The following CYREN variants were observed in gnomAD, a reference collection of about 807,000 sequenced individuals.
The protein encoded by CYREN is cell cycle regulator of NHEJ, also known as cell cycle regulator of non-homologous end joining.
Under a neutral mutation model 9.7 loss-of-function variants are expected in CYREN, and 7 were observed. That is an observed-to-expected ratio of 0.72 (90% CI 0.41 to 1.36). The LOEUF (loss-of-function observed/expected upper bound fraction) is 1.36. CYREN is among the 40% of genes most tolerant of loss of function. The pLI is 0.01. For synonymous variants in CYREN, 76 were observed against 77.9 expected, an observed-to-expected ratio of 0.98 and a Z score of 0.13; for missense variants, 215 against 198.1, an observed-to-expected ratio of 1.09 and a Z score of -0.51.
At chr7:135,125,294 G>A (rs1260878204) in intron 2 of CYREN, among the ~76,000 whole-genome samples, 1 of 152,098 alleles carries the variant, frequency 6.6e-6, no homozygotes, top group Non-Finnish European at 1.5e-5. Context: ...AGAAAATCTA[G>A]AAGAAATGGA....
At chr7:135,131,992 T>G (rs541090248) in intron 2 of CYREN, among the ~76,000 whole-genome samples, 1 of 152,178 alleles carries the variant, frequency 6.6e-6, no homozygotes, top group African/African-American at 2.4e-5. Context: ...AAATAGAATA[T>G]TTGAATACCC....
intron 2 of CYREN, among the ~76,000 whole-genome samples, chr7:135,129,838 G>A (rs1735181534): frequency 6.6e-6 from 1 of 152,216 alleles, no homozygotes; most frequent in African/African-American, 2.4e-5. Flanking sequence ...ATATTTTCAT[G>A]TGGTACTACT....
intron 2 of CYREN, among the ~76,000 whole-genome samples, chr7:135,136,200 G>A (rs975386967): frequency 6.6e-6 from 1 of 152,042 alleles, no homozygotes; most frequent in African/African-American, 2.4e-5. Context: ...CATAAGAAGG[G>A]TCAGGTAGGA....
chr7:135,094,294 G>A (rs1822315011), exon 3 of CYREN: 2 of 444,860 alleles, frequency 4.5e-6, no homozygotes. Context: ...GGATCCATCA[G>A]AGAACTGAGG....
At chr7:135,162,622 T>C (rs557294323), downstream of CYREN, among the ~76,000 whole-genome samples, 5 of 152,140 alleles carry the variant, frequency 3.3e-5, no homozygotes, top group African/African-American at 9.6e-5. Context: ...CCATCAGATA[T>C]CATGAGACTC....
intron 2 of CYREN, among the ~76,000 whole-genome samples, chr7:135,094,781 T>C (rs1351463260): frequency 6.6e-6 from 1 of 152,192 alleles, no homozygotes; most frequent in African/African-American, 2.4e-5. Flanking sequence ...CAAGAGGCCT[T>C]ACATTTATAG....
At chr7:135,158,832 G>A (rs1829858887) in intron 2 of CYREN, among the ~76,000 whole-genome samples, 2 of 152,196 alleles carry the variant, frequency 1.3e-5, no homozygotes, top group South Asian at 4.1e-4. Flanking sequence ...CAGCTCGGCA[G>A]CAAGAGCCAT....
At chr7:135,142,338 A>G (rs1159544548) in intron 2 of CYREN, among the ~76,000 whole-genome samples, 1 of 152,106 alleles carries the variant, frequency 6.6e-6, no homozygotes, top group African/African-American at 2.4e-5. Flanking sequence ...TTTTCTTAAT[A>G]GTTTCTTTAG....
At chr7:135,131,894 T>C (rs141618474) in intron 2 of CYREN, among the ~76,000 whole-genome samples, 179 of 152,256 alleles carry the variant, frequency 1.2e-3, no homozygotes, top group South Asian at 0.011. Context: ...AAAGAGTTAA[T>C]AGAAAACACT....
intron 3 of CYREN, 178 bp downstream of exon 3, chr7:135,167,546 CCACGAGCG>C (rs1830257959): frequency 7.0e-7 from 1 of 1,431,830 alleles, no homozygotes; most frequent in Non-Finnish European, 9.1e-7. Flanking sequence ...CAAAGACACC[CCACGAGCG>C]CACACCCACA....
chr7:135,160,060 G>A (rs1829889150), intron 2 of CYREN, among the ~76,000 whole-genome samples: 1 of 152,118 alleles, frequency 6.6e-6, no homozygotes, highest in Non-Finnish European at 1.5e-5. Context: ...TAATGTTTAG[G>A]AACCATTTCT....
chr7:135,093,955 A>T (rs1822249928), exon 3 of CYREN: 1 of 169,080 alleles, frequency 5.9e-6, no homozygotes, highest in Non-Finnish European at 1.3e-5. Flanking sequence ...ATATATTTCA[A>T]TTGATTTTTC....
At chr7:135,147,872 T>C in intron 2 of CYREN, 3 of 456,278 alleles carry the variant, frequency 6.6e-6, no homozygotes, top group Middle Eastern at 3.3e-4. Flanking sequence ...AATTATTGTG[T>C]GATATAATCA....
intron 2 of CYREN, among the ~76,000 whole-genome samples, chr7:135,099,639 A>G (rs908688155): frequency 1.3e-5 from 2 of 152,044 alleles, no homozygotes; most frequent in Non-Finnish European, 2.9e-5. Flanking sequence ...GTCTTATAAG[A>G]TTTTGATTTT....
At chr7:135,135,351 C>G (rs1370079349) in intron 2 of CYREN, 1 of 1,186,026 alleles carries the variant, frequency 8.4e-7, no homozygotes, top group Non-Finnish European at 1.1e-6. Context: ...TCCCCTTCCC[C>G]TTTCCCTATC....
chr7:135,151,343 C>T lies in CYREN; in HGVS notation n.356+17406G>A, dbSNP rs1028979204. Among the ~76,000 whole-genome samples the T allele has an allele frequency of 2.0e-5, 3 of 152,128 alleles. No individual in the cohort carries two copies. The highest frequency in any genetic ancestry group is 7.2e-5 in the African/African-American group (3 of 41,420). ...AAGGAAATATGACACATTTCCCTTTCTTCTTCCCTTTTTATTTTTGTGACA... is the reference window on the plus strand; with the variant it reads ...AAGGAAATATGACACATTTCCCTTTTTTCTTCCCTTTTTATTTTTGTGACA... On this transcript the variant is annotated intron_variant and non_coding_transcript_variant, in intron 2 of 2. Coordinates refer to the CYREN transcript ENST00000459937. This position sits in a 1 kb window ranked among gnomAD's most constrained non-coding sequence, Gnocchi z 4.3.
chr7:135,163,154 C>A (rs1829990629), downstream of CYREN, among the ~76,000 whole-genome samples: 1 of 152,150 alleles, frequency 6.6e-6, no homozygotes, highest in Non-Finnish European at 1.5e-5. Context: ...AACTATTGCA[C>A]AGCCATTGAT....
chr7:135,158,814 C>T (rs1295122988), intron 2 of CYREN, among the ~76,000 whole-genome samples: 1 of 152,200 alleles, frequency 6.6e-6, no homozygotes, highest in Non-Finnish European at 1.5e-5. Flanking sequence ...CCGTCTCCCT[C>T]CTTGAAGCAG....
At chr7:135,106,276 G>A (rs1824704385) in intron 2 of CYREN, among the ~76,000 whole-genome samples, 1 of 152,150 alleles carries the variant, frequency 6.6e-6, no homozygotes, top group African/African-American at 2.4e-5. Flanking sequence ...TGAATAGAAA[G>A]GTGAGAGAGG....
Sources: gnomAD v4.1 joint callset for allele counts (sites outside exome capture counted in the v4.1 genomes callset) on GRCh38, gnomAD v4.1.1 for gene constraint, Gnocchi (gnomAD v3.1) non-coding constraint, MANE v1.5 for transcripts, NCBI Gene and HGNC (gene_info 2026-07-23, HGNC 2026-07-21) for gene names.